CSMD3: variants seen among roughly 807,000 people sequenced by gnomAD.
CSMD3 encodes the protein CUB and Sushi multiple domains 3.
In CSMD3, 177 loss-of-function variants were observed where a neutral mutation model predicts 435.2. The ratio of observed to expected loss-of-function variants is 0.41; its 90% CI spans 0.36 to 0.46. The LOEUF (loss-of-function observed/expected upper bound fraction) is 0.46, where lower values mean the gene tolerates loss of function less well. Ranked by LOEUF, CSMD3 falls within the 20% of genes least tolerant of loss-of-function variation. CSMD3 has a pLI of 0.34. For missense variants in CSMD3, 4,265 were observed against 4,504.6 expected (o/e 0.95, Z 1.52); for synonymous variants, 1,656 against 1,520.5 (o/e 1.09, Z -2.07).
chr8:112,856,593 C>T (rs914454508), intron 11 of CSMD3, among the ~76,000 whole-genome samples: 2 of 151,768 alleles, frequency 1.3e-5, no homozygotes, highest in African/African-American at 2.4e-5. Context: ...ATTATGACCT[C>T]TACTCTATGA....
chr8:113,269,616 A>G (rs570636284), intron 3 of CSMD3, among the ~76,000 whole-genome samples: 16 of 152,296 alleles, frequency 1.1e-4, no homozygotes, highest in Non-Finnish European at 2.1e-4. Context: ...ACAGAAATAT[A>G]GACCAATGGA....
At chr8:113,173,259 T>C (rs1428992113) in intron 4 of CSMD3, among the ~76,000 whole-genome samples, 3 of 152,302 alleles carry the variant, frequency 2.0e-5, no homozygotes, top group African/African-American at 2.4e-5. Context: ...TAGTCAATAC[T>C]AGAATTTAGT....
intron 1 of CSMD3, among the ~76,000 whole-genome samples, chr8:113,373,621 G>A (rs1188793919): frequency 6.6e-6 from 1 of 151,786 alleles, no homozygotes; most frequent in Non-Finnish European, 1.5e-5. Flanking sequence ...TTGAAATTTT[G>A]TCTACCTTTT....
rs761772181 is a variant in CSMD3 at position 112,304,749 on chromosome 8, A to C, written c.8238T>G (p.Ser2746Arg). The C allele has an allele frequency of 1.2e-6, 2 of 1,613,674 alleles. No homozygotes were observed. The highest frequency in any genetic ancestry group is 2.7e-5 in the African/African-American group (2 of 74,890). The change falls in exon 52 of 71, where the codon AGT becomes AGG. Residue 2746 changes from serine to arginine, a missense_variant. Physicochemically the swap from Ser to Arg is moderately radical, Grantham distance 110. Transcript: ENST00000297405. ...GGCAATATGGTCTTTCATTTCTCCA[A>C]CTCCAAGTACCATTAGGAAGACATT... is the stretch of plus-strand genomic sequence containing the variant. ...SIECLPNGTW[S>R]WRNERPYCQI...
chr8:112,796,453 G>A (rs1043572290), intron 13 of CSMD3, among the ~76,000 whole-genome samples: 7 of 151,862 alleles, frequency 4.6e-5, no homozygotes, highest in Admixed American at 2.0e-4. Context: ...ACCTCTTATC[G>A]TTCTAATCAG....
At chr8:112,263,557 G>T in intron 61 of CSMD3, 82 bp downstream of exon 61, 1 of 1,135,226 alleles carries the variant, frequency 8.8e-7, no homozygotes, top group Non-Finnish European at 1.3e-6. Flanking sequence ...ATTAGGCATT[G>T]AAGGAAGCTT....
intron 5 of CSMD3, among the ~76,000 whole-genome samples, chr8:113,033,068 T>A (rs2087187497): frequency 6.6e-6 from 1 of 151,590 alleles, no homozygotes; most frequent in Non-Finnish European, 1.5e-5. Flanking sequence ...TTTCAGAGGA[T>A]GTATAGAAAC....
chr8:113,091,193 A>C (rs1025939933), intron 5 of CSMD3, among the ~76,000 whole-genome samples: 1 of 152,138 alleles, frequency 6.6e-6, no homozygotes, highest in African/African-American at 2.4e-5. Context: ...AGCAAGAGGA[A>C]CTTTGGAGTT....
chr8:113,019,481 T>C (rs2086600212), intron 5 of CSMD3, among the ~76,000 whole-genome samples: 1 of 150,566 alleles, frequency 6.6e-6, no homozygotes, highest in African/African-American at 2.4e-5. Context: ...TTTATGGTAT[T>C]GTTTTATTAG....
chr8:112,396,200 AC>A (rs1830847295), intron 35 of CSMD3, among the ~76,000 whole-genome samples: 1 of 152,190 alleles, frequency 6.6e-6, no homozygotes, highest in Admixed American at 6.5e-5. Flanking sequence ...CTGAAATGAT[AC>A]AATTGAGAGG....
intron 27 of CSMD3, among the ~76,000 whole-genome samples, chr8:112,538,290 C>G (rs60961147): frequency 1.2e-3 from 175 of 152,106 alleles, no homozygotes; most frequent in African/African-American, 3.9e-3. Flanking sequence ...TGGAACAAGA[C>G]AAGGCCAAGA....
At chr8:112,437,587 G>GTATA (rs146643540) in intron 32 of CSMD3, among the ~76,000 whole-genome samples, 1 of 151,486 alleles carries the variant, frequency 6.6e-6, no homozygotes, top group Non-Finnish European at 1.5e-5. Context: ...GTGTGTGTAT[G>GTATA]TATATATATA....
intron 1 of CSMD3, among the ~76,000 whole-genome samples, chr8:113,341,237 AT>A (rs1472204533): frequency 6.6e-6 from 1 of 152,124 alleles, no homozygotes; most frequent in African/African-American, 2.4e-5. Context: ...TCTCGTAGCT[AT>A]TTTTTAATAT....
chr8:112,993,130 C>A (rs1193529651), intron 6 of CSMD3, among the ~76,000 whole-genome samples: 1 of 151,478 alleles, frequency 6.6e-6, no homozygotes, highest in African/African-American at 2.4e-5. Context: ...ATGAGTACTG[C>A]GATTTAAAAA....
chr8:113,361,731 C>A (rs1482900856), intron 1 of CSMD3, among the ~76,000 whole-genome samples: 1 of 151,758 alleles, frequency 6.6e-6, no homozygotes, highest in Non-Finnish European at 1.5e-5. Flanking sequence ...AATTTTTAGG[C>A]AACTGAGCAT....
chr8:113,212,115 G>A (rs1203417231), intron 3 of CSMD3, among the ~76,000 whole-genome samples: 2 of 152,104 alleles, frequency 1.3e-5, no homozygotes, highest in African/African-American at 4.8e-5. Context: ...ATATTTAAAA[G>A]TTTATGGAGC....
intron 70 of CSMD3, among the ~76,000 whole-genome samples, chr8:112,225,138 G>A (rs1265772634): frequency 1.3e-5 from 2 of 151,992 alleles, no homozygotes; most frequent in African/African-American, 4.8e-5. Context: ...ACATATTTAT[G>A]TACAGCATCA....
chr8:112,544,864 T>C (rs760354223), intron 27 of CSMD3, among the ~76,000 whole-genome samples: 2 of 152,186 alleles, frequency 1.3e-5, no homozygotes, highest in Non-Finnish European at 2.9e-5. Flanking sequence ...ATTAAACATT[T>C]AATTTTTAAA....
At chr8:112,825,321 A>G (rs971508488) in intron 12 of CSMD3, among the ~76,000 whole-genome samples, 2 of 152,040 alleles carry the variant, frequency 1.3e-5, no homozygotes, top group African/African-American at 4.8e-5. Flanking sequence ...CCTCCATCTC[A>G]TCCTCTGTCC....
Sources: allele counts gnomAD v4.1 joint callset (sites outside exome capture counted in the v4.1 genomes callset), GRCh38; gene constraint gnomAD v4.1.1; transcripts MANE v1.5; gene names NCBI Gene and HGNC (gene_info 2026-07-23, HGNC 2026-07-21).